The following CLPSL1 variants were observed in gnomAD, a reference collection of about 807,000 sequenced individuals.
CLPSL1 encodes the protein colipase-like protein 1.
A neutral mutation model predicts 9.3 loss-of-function variants in CLPSL1; 13 were observed. That is an observed-to-expected ratio of 1.40 (90% CI 0.91 to 2.22). The LOEUF is 2.22. Ranked by LOEUF, CLPSL1 falls within the 30% of genes most tolerant of loss-of-function variation. The probability of loss-of-function intolerance (pLI) is 0.00; values close to 1 mark genes in which losing one functional copy is unlikely to be tolerated. For synonymous variants in CLPSL1, 58 were observed against 56.9 expected, an observed-to-expected ratio of 1.02 and a Z score of -0.08; for missense variants, 164 against 146.6, an observed-to-expected ratio of 1.12 and a Z score of -0.61.
At chr6:35,787,571 G>A (rs372610782) in intron 2 of CLPSL1, among the ~76,000 whole-genome samples, 1 of 152,380 alleles carries the variant, frequency 6.6e-6, no homozygotes. Flanking sequence ...CCCATGGAAG[G>A]ATTTAAAGAC....
At chr6:35,792,043 A>G (rs1768228448), downstream of CLPSL1, among the ~76,000 whole-genome samples, 1 of 150,600 alleles carries the variant, frequency 6.6e-6, no homozygotes, top group South Asian at 2.1e-4. Flanking sequence ...CCGAGATCGC[A>G]CTATTGCACT....
downstream of CLPSL1, among the ~76,000 whole-genome samples, chr6:35,793,962 CA>C (rs1768274857): frequency 6.6e-6 from 1 of 152,236 alleles, no homozygotes; most frequent in African/African-American, 2.4e-5. Context: ...TATATTAAGG[CA>C]AAATTAAATT....
chr6:35,793,636 A>T, exon 2 of CLPSL1: 1 of 464,888 alleles, frequency 2.2e-6, no homozygotes, highest in Non-Finnish European at 4.5e-6. Context: ...TTTGCTTTGG[A>T]TTCATGAGAA....
At chr6:35,791,552 G>A (rs557668832), downstream of CLPSL1, among the ~76,000 whole-genome samples, 3 of 152,094 alleles carry the variant, frequency 2.0e-5, no homozygotes, top group East Asian at 1.9e-4. Flanking sequence ...AGGTTGCAGC[G>A]AGCCGAGATC....
chr6:35,781,175 G>A lies in CLPSL1; in HGVS notation c.65G>A (p.Arg22Lys), dbSNP rs772671615. ...LLFFFLFLLT[R>K]GSLSPTKYNL... Reference sequence around the variant, plus strand: ...TTCTTCTTTCTCTTCCTCCTCACCAGGGGCTCACTTTCTCCAACAAAATAC... The same window carrying A: ...TTCTTCTTTCTCTTCCTCCTCACCAAGGGCTCACTTTCTCCAACAAAATAC... Residue 22 changes from arginine (R) to lysine (K), a missense_variant, in exon 1 of 3, where the codon AGG becomes AAG. Arg to Lys is a conservative substitution (Grantham distance 26). Transcript: ENST00000373861. 6.8e-6 allele frequency: 11 copies of A among 1,613,910 alleles called. No homozygotes were observed. In the South Asian group the frequency reaches 1.2e-4, roughly 18 times the overall value.
At chr6:35,783,236 C>G (rs955432540) in intron 1 of CLPSL1, among the ~76,000 whole-genome samples, 1 of 152,184 alleles carries the variant, frequency 6.6e-6, no homozygotes, top group African/African-American at 2.4e-5. Flanking sequence ...TTGGGCCAGG[C>G]GCAGTGGCTC....
downstream of CLPSL1, among the ~76,000 whole-genome samples, chr6:35,792,131 C>T (rs1490827007): frequency 7.0e-6 from 1 of 141,988 alleles, no homozygotes. Flanking sequence ...ATAAATTAGC[C>T]AGGCATGGTG....
At chr6:35,782,375 T>G (rs1767981525) in intron 1 of CLPSL1, among the ~76,000 whole-genome samples, 1 of 152,198 alleles carries the variant, frequency 6.6e-6, no homozygotes, top group Non-Finnish European at 1.5e-5. Context: ...AGGACTTTAG[T>G]CCAAGGGGGC....
downstream of CLPSL1, among the ~76,000 whole-genome samples, chr6:35,793,074 G>A (rs533555326): frequency 6.6e-6 from 1 of 152,382 alleles, no homozygotes; most frequent in Non-Finnish European, 1.5e-5. Context: ...AGATAACCTA[G>A]TTCTAGCCAC....
chr6:35,791,796 G>A (rs1295507835), downstream of CLPSL1, among the ~76,000 whole-genome samples: 2 of 152,098 alleles, frequency 1.3e-5, no homozygotes, highest in Non-Finnish European at 2.9e-5. Context: ...CTCCGGGCAT[G>A]GAGGCTCACA....
At chr6:35,787,781 TG>T in intron 2 of CLPSL1, 85 bp from the exon 3 acceptor site, 2 of 1,310,478 alleles carry the variant, frequency 1.5e-6, no homozygotes, top group Non-Finnish European at 2.2e-6. Context: ...GGCAAGCACA[TG>T]GGCCCTGGAG....
downstream of CLPSL1, among the ~76,000 whole-genome samples, chr6:35,788,799 A>G (rs1345983975): frequency 2.6e-5 from 4 of 152,270 alleles, no homozygotes; most frequent in African/African-American, 9.6e-5. Context: ...GAGTTTTAGG[A>G]AGTCTCAGTG....
chr6:35,782,381 G>A (rs1767983078), intron 1 of CLPSL1, among the ~76,000 whole-genome samples: 1 of 152,190 alleles, frequency 6.6e-6, no homozygotes, highest in African/African-American at 2.4e-5. Flanking sequence ...TTAGTCCAAG[G>A]GGGCTAAGAA....
intron 1 of CLPSL1, among the ~76,000 whole-genome samples, chr6:35,782,860 C>T (rs147684534): frequency 1.4e-3 from 215 of 152,246 alleles, no homozygotes; most frequent in African/African-American, 4.7e-3. Context: ...GGCCGGGAGG[C>T]GGCTATAGCC....
chr6:35,788,190 G>A (rs1768126735), downstream of CLPSL1: 1 of 615,464 alleles, frequency 1.6e-6, no homozygotes, highest in East Asian at 3.6e-5. Context: ...GGGCTGGGCT[G>A]GGGTGGGCAT....
At chr6:35,791,659 G>A (rs1272521092), downstream of CLPSL1, among the ~76,000 whole-genome samples, 1 of 152,144 alleles carries the variant, frequency 6.6e-6, no homozygotes, top group East Asian at 1.9e-4. Flanking sequence ...GGGCAGGTGT[G>A]GTGGCTTGTG....
downstream of CLPSL1, among the ~76,000 whole-genome samples, chr6:35,791,212 A>C (rs979429868): frequency 6.6e-6 from 1 of 152,270 alleles, no homozygotes; most frequent in Non-Finnish European, 1.5e-5. Context: ...CGTTGTCAGA[A>C]TCCAGAGAGA....
rs1162078160 is a variant in CLPSL1 at position 35,786,980 on chromosome 6, C to A, written c.100-18C>A. 1.3e-6 allele frequency: 2 copies of A among 1,564,198 alleles called. No individual in the cohort carries two copies. Among genetic ancestry groups the A allele is most frequent in the Non-Finnish European group, 1.7e-6 (2 of 1,156,188 alleles). On this transcript the variant is annotated intron_variant, in intron 1 of 2. Coordinates refer to ENST00000373861, the MANE Select transcript of CLPSL1 (RefSeq NM_001010886.5). ...AGGCGGGCGGTGGAGCCTGGCGGTG[C>A]CGTGTCCCTCCCTGCAGGAGCTCAA...
At chr6:35,791,913 C>CAAATAAATAAAT (rs58568700), downstream of CLPSL1, among the ~76,000 whole-genome samples, 73 of 149,512 alleles carry the variant, frequency 4.9e-4, no homozygotes, top group African/African-American at 1.7e-3. Context: ...ACTAAAAATA[C>CAAATAAATAAAT]AAATAAATAA....
Sources: gnomAD v4.1 joint callset for allele counts (sites outside exome capture counted in the v4.1 genomes callset) on GRCh38, gnomAD v4.1.1 for gene constraint, MANE v1.5 for transcripts, NCBI Gene and HGNC (gene_info 2026-07-23, HGNC 2026-07-21) for gene names.